The following JPH2 variants were observed in gnomAD, a reference collection of about 807,000 sequenced individuals.
JPH2 encodes junctophilin-2.
JPH2 carries 38 observed loss-of-function variants against 55.9 expected under a neutral mutation model. The ratio of observed to expected loss-of-function variants is 0.68; its 90% CI spans 0.52 to 0.89. JPH2 has a LOEUF of 0.89. Among genes scored for constraint, JPH2 ranks in the 40% least tolerant of loss-of-function variants. The pLI is 0.00. For synonymous variants in JPH2, 480 were observed against 472.4 expected (o/e 1.02, Z -0.21); for missense variants, 964 against 1,037.6 (o/e 0.93, Z 0.97).
chr20:44,118,555 T>G lies in JPH2; in HGVS notation c.1238A>C (p.Asn413Thr). 1 of 1,613,370 alleles carries G rather than the reference T, an allele frequency of 6.2e-7. No individual in the cohort carries two copies. The highest frequency in any genetic ancestry group is 8.5e-7 in the Non-Finnish European group (1 of 1,180,034). ...CTCCCTGGCCAAAGTGCGAGCAATGTTGGACTCCTGGTTGGCAGCCAGGGC... is the reference window on the plus strand; with the variant it reads ...CTCCCTGGCCAAAGTGCGAGCAATGGTGGACTCCTGGTTGGCAGCCAGGGC... ...QAALAANQES[N>T]IARTLARELA... is the part of the protein sequence containing the mutation. Residue 413 changes from asparagine to threonine, a missense_variant, in exon 3 of 6, where the codon AAC (asparagine) becomes ACC (threonine). By Grantham distance (65) the Asn-to-Thr change is moderately conservative. Coordinates refer to ENST00000372980, the MANE Select transcript of JPH2 (RefSeq NM_020433.5).
chr20:44,181,901 C>T (rs1392895795), intron 1 of JPH2, among the ~76,000 whole-genome samples: 3 of 152,218 alleles, frequency 2.0e-5, no homozygotes, highest in African/African-American at 4.8e-5. Context: ...GCTGTGAAGA[C>T]AGGGAGCGTT....
intron 2 of JPH2, among the ~76,000 whole-genome samples, chr20:44,128,425 T>C (rs1220403669): frequency 6.6e-6 from 1 of 152,170 alleles, no homozygotes; most frequent in Non-Finnish European, 1.5e-5. Flanking sequence ...TGGCCCCTGC[T>C]CTTGAAGGTT....
At position 44,132,351 on chromosome 20, in the gene JPH2, G is replaced by GACAC. The variant is rs1491055196; in HGVS notation, c.1170-13729_1170-13728insGTGT. On this transcript the variant is annotated intron_variant, in intron 2 of 5. Transcript: ENST00000372980. ...GAATGAGGTGGAAGGGAGGCAGACA[G>GACAC]ACAGACACACACACACACACACACA... is the stretch of plus-strand genomic sequence containing the variant. 1.0e-4 allele frequency among the ~76,000 whole-genome samples: 7 copies of GACAC among 67,494 alleles called. No individual in the cohort carries two copies. The South Asian group carries it at 1.7e-3, about 16-fold the overall frequency. The allele number at this position is 67,494 out of a possible 152,430, so 44.3% of individuals were successfully genotyped here.
Position 44,186,807 on chromosome 20 carries a change from A to G in JPH2, c.-102T>C. ...CCAGTGCCCTCGGGGGCAGGCCCCC[A>G]GACTCACCACTGCACCCCAGGAGGG... is the stretch of plus-strand genomic sequence containing the variant. On this transcript the variant is annotated 5_prime_UTR_variant, in exon 1 of 6. Coordinates refer to ENST00000372980, the MANE Select transcript of JPH2 (RefSeq NM_020433.5). The G allele has an allele frequency of 8.3e-7, 1 of 1,209,594 alleles. No homozygotes were observed. Among genetic ancestry groups the G allele is most frequent in the Non-Finnish European group, 1.2e-6 (1 of 834,124 alleles). The allele number at this position is 1,209,594 out of a possible 1,614,324, so 74.9% of individuals were successfully genotyped here. A position where few individuals can be genotyped will look rare whatever the true frequency, so the allele number is the denominator to read the frequency against.
intron 2 of JPH2, among the ~76,000 whole-genome samples, chr20:44,137,613 G>A (rs61613873): frequency 0.15 from 23,307 of 152,238 alleles, 2,006 homozygotes; most frequent in Admixed American, 0.26. Flanking sequence ...GCCACCAGGC[G>A]GGGCCGAACC....
chr20:44,186,346 G>T lies in JPH2; in HGVS notation c.360C>A (p.Thr120=). The stretch of plus-strand genomic sequence containing the variant: ...CCTCACCTCCATCAGCATAGGTCTC[G>T]GTGCCATAGCCGTCTTGCAGGCCAT... ...WNNGLQDGYG[T]ETYADGGTYQ... The change falls in exon 1 of 6, where the codon ACC becomes ACA. Residue 120 remains threonine, a synonymous_variant. Coordinates refer to ENST00000372980, the MANE Select transcript of JPH2 (RefSeq NM_020433.5). 6.2e-7 allele frequency: 1 copy of T among 1,611,824 alleles called. No homozygotes were observed. Among genetic ancestry groups the T allele is most frequent in the Non-Finnish European group, 8.5e-7 (1 of 1,179,926 alleles).
intron 2 of JPH2, among the ~76,000 whole-genome samples, chr20:44,154,549 A>G (rs2072551980): frequency 6.6e-6 from 1 of 152,136 alleles, no homozygotes; most frequent in East Asian, 1.9e-4. Flanking sequence ...GAGCTGTCTC[A>G]TCTTTCTCCC....
chr20:44,180,591 C>T (rs1031383307), intron 1 of JPH2, among the ~76,000 whole-genome samples: 4 of 152,100 alleles, frequency 2.6e-5, no homozygotes, highest in Non-Finnish European at 5.9e-5. Flanking sequence ...CCCACCTTGG[C>T]CTTACTGTTA....
chr20:44,186,230 T>G, intron 1 of JPH2, 97 bp downstream of exon 1: 2 of 1,383,614 alleles, frequency 1.4e-6, no homozygotes, highest in Non-Finnish European at 2.0e-6. Context: ...GCCCATCTGA[T>G]TCTGTGCCAA....
Position 44,160,220 on chromosome 20 carries a change from C to G in JPH2, c.567G>C (p.Ala189=). ...CACGCGGGATGGCGGGCGAGGGCAG[C>G]GCGGGGCCGTCGGAGGCCGGCGAGG... ...SPASPASDGP[A]LPSPAIPRGG... is the part of the protein sequence containing the mutation. The change falls in exon 2 of 6, where the codon GCG becomes GCC. Residue 189 remains alanine, a synonymous_variant. Coordinates refer to ENST00000372980, the MANE Select transcript of JPH2 (RefSeq NM_020433.5). The surrounding 1 kb of genome is among the most constrained non-coding windows in gnomAD (Gnocchi z 4.9). 2.0e-6 allele frequency: 3 copies of G among 1,475,638 alleles called. No individual in the cohort carries two copies. The highest frequency in any genetic ancestry group is 2.7e-6 in the Non-Finnish European group (3 of 1,119,364). 91.4% of individuals were successfully genotyped at this position (1,475,638 alleles called of 1,614,324 possible).
intron 1 of JPH2, among the ~76,000 whole-genome samples, chr20:44,180,350 GAC>G (rs1192550469): frequency 1.4e-5 from 2 of 146,924 alleles, no homozygotes; most frequent in Admixed American, 6.7e-5. Context: ...ATTTTTTTTT[GAC>G]ACAGTGTCTC....
In JPH2 at chr20:44,111,014, T is replaced by A. The variant is rs2072138989; in HGVS notation, c.*2504A>T. On this transcript the variant is annotated 3_prime_UTR_variant, in exon 6 of 6. Transcript: ENST00000372980. ...GGAACCACCGGCTGTGAGAGTAACT[T>A]CATGGGCAGTACTTATTCCTAAAAA... Among the ~76,000 whole-genome samples the A allele has an allele frequency of 6.6e-6, 1 of 152,194 alleles. No individual in the cohort carries two copies. Among genetic ancestry groups the A allele is most frequent in the Non-Finnish European group, 1.5e-5 (1 of 68,032 alleles).
intron 2 of JPH2, among the ~76,000 whole-genome samples, chr20:44,140,454 G>A (rs2072447342): frequency 6.6e-6 from 1 of 152,180 alleles, no homozygotes; most frequent in Non-Finnish European, 1.5e-5. Flanking sequence ...ATGGGATGAT[G>A]GTTTTGGCAC....
intron 1 of JPH2, among the ~76,000 whole-genome samples, chr20:44,163,161 T>C (rs1422543536): frequency 6.6e-6 from 1 of 152,172 alleles, no homozygotes; most frequent in East Asian, 1.9e-4. Flanking sequence ...TATTTTGTTC[T>C]TGGATGGATT....
intron 2 of JPH2, among the ~76,000 whole-genome samples, chr20:44,132,347 G>GACACACACACACAC (rs1440487442): frequency 3.4e-5 from 3 of 88,830 alleles, no homozygotes; most frequent in Admixed American, 2.2e-4. Context: ...AAGGGAGGCA[G>GACACACACACACAC]ACAGACAGAC....
chr20:44,171,317 C>T (rs986519522), intron 1 of JPH2, among the ~76,000 whole-genome samples: 2 of 152,144 alleles, frequency 1.3e-5, no homozygotes, highest in Non-Finnish European at 2.9e-5. Context: ...TGCCCAAAAT[C>T]AAAGCAAGGG....
chr20:44,182,600 T>A (rs1189159158), intron 1 of JPH2, among the ~76,000 whole-genome samples: 1 of 152,186 alleles, frequency 6.6e-6, no homozygotes, highest in Non-Finnish European at 1.5e-5. Flanking sequence ...CAGCACTGCC[T>A]CGGGGCCTTT....
At chr20:44,133,559 C>G (rs917145947) in intron 2 of JPH2, among the ~76,000 whole-genome samples, 3 of 151,966 alleles carry the variant, frequency 2.0e-5, no homozygotes, top group African/African-American at 7.2e-5. Context: ...CACCTTTGCT[C>G]ACTGGCTTCC....
rs1427861059 is a variant in JPH2 at position 44,186,597 on chromosome 20, C to T, written c.109G>A (p.Glu37Lys). 2.5e-6 allele frequency: 4 copies of T among 1,613,754 alleles called. No homozygotes were observed. Among genetic ancestry groups the T allele is most frequent in the Admixed American group, 1.7e-5 (1 of 60,026 alleles). ...CCAAAGTTCCAGGAGCCAGAGTATT[C>T]GCCCTGGCCCTTGGGGCCTGTGCAC... The part of the protein sequence containing the change: ...GLCTGPKGQG[E>K]YSGSWNFGFE... The change falls in exon 1 of 6, where the codon GAA becomes AAA. Residue 37 changes from glutamate (E) to lysine (K), a missense_variant. By Grantham distance (56) the Glu-to-Lys change is moderately conservative. Transcript: ENST00000372980.
Sources: allele counts gnomAD v4.1 joint callset (sites outside exome capture counted in the v4.1 genomes callset), GRCh38; gene constraint gnomAD v4.1.1; non-coding constraint Gnocchi (gnomAD v3.1); transcripts MANE v1.5; gene names NCBI Gene and HGNC (gene_info 2026-07-23, HGNC 2026-07-21).